The following ANTXR2 variants were observed in gnomAD, a reference collection of about 807,000 sequenced individuals.
The protein encoded by ANTXR2 is anthrax toxin receptor 2.
In ANTXR2, 44 loss-of-function variants were observed where a neutral mutation model predicts 73.7. The observed-to-expected ratio is 0.60, with a 90% CI of 0.47 to 0.77. ANTXR2 has a LOEUF of 0.77. Among genes scored for constraint, ANTXR2 ranks in the 30% least tolerant of loss-of-function variants. The pLI is 0.00. For synonymous variants in ANTXR2, 217 were observed against 205.9 expected (o/e 1.05, Z -0.46); for missense variants, 604 against 592.5 (o/e 1.02, Z -0.20).
chr4:79,973,717 C>T (rs1332711567), intron 16 of ANTXR2, among the ~76,000 whole-genome samples: 2 of 152,128 alleles, frequency 1.3e-5, no homozygotes, highest in Non-Finnish European at 2.9e-5. Context: ...GTGTGAGCCA[C>T]CACACCTGGC....
intron 16 of ANTXR2, chr4:79,965,237 A>C (rs1327104768): frequency 6.6e-6 from 1 of 152,216 alleles, no homozygotes; most frequent in African/African-American, 2.4e-5. Context: ...AATCTGCAGT[A>C]AACAATTATA....
intron 12 of ANTXR2, among the ~76,000 whole-genome samples, chr4:80,003,528 T>A (rs919438508): frequency 6.6e-6 from 1 of 151,654 alleles, no homozygotes; most frequent in Non-Finnish European, 1.5e-5. Context: ...AACCTGCACA[T>A]TGTGCACATG....
At chr4:79,909,653 A>T (rs1401549891) in intron 16 of ANTXR2, among the ~76,000 whole-genome samples, 2 of 152,032 alleles carry the variant, frequency 1.3e-5, no homozygotes, top group Non-Finnish European at 2.9e-5. Flanking sequence ...ACCAAAAAAA[A>T]AAAAATAAAG....
intron 16 of ANTXR2, among the ~76,000 whole-genome samples, chr4:79,926,904 T>TATATGTGTATATATACACAC (rs1727809650): frequency 1.6e-5 from 2 of 127,338 alleles, no homozygotes; most frequent in African/African-American, 5.7e-5. Context: ...TATATACACA[T>TATATGTGTATATATACACAC]GTGTGCATAT....
intron 12 of ANTXR2, among the ~76,000 whole-genome samples, chr4:80,008,200 C>A (rs1377978956): frequency 6.6e-6 from 1 of 152,052 alleles, no homozygotes; most frequent in Non-Finnish European, 1.5e-5. Flanking sequence ...TCTCAATGAA[C>A]CCAAAAGAAA....
chr4:79,915,862 C>CTCTATATATATATATA (rs377006532), intron 16 of ANTXR2, among the ~76,000 whole-genome samples: 29 of 123,876 alleles, frequency 2.3e-4, no homozygotes, highest in African/African-American at 8.5e-4. Context: ...CTCTCTCTCT[C>CTCTATATATATATATA]TATATATATA....
chr4:80,008,564 C>T lies in ANTXR2; in HGVS notation c.998G>A (p.Gly333Glu). 6.2e-7 allele frequency: 1 copy of T among 1,608,008 alleles called. No individual in the cohort carries two copies. The highest frequency in any genetic ancestry group is 2.3e-5 in the East Asian group (1 of 44,406). Residue 333 changes from glycine (G) to glutamate (E), a missense_variant, in exon 12 of 17, where the codon GGG (glycine) becomes GAG (glutamate). Physicochemically the swap from Gly to Glu is moderately conservative, Grantham distance 98. Transcript: ENST00000403729. ...CCAAAACCACCACATCAAACCGATC[C>T]CCAGGAGTAGCAGTAACACCAAAAT... ...IVILVLLLLLGIGLMWWFWPL... is the reference protein window; with the variant it reads ...IVILVLLLLLEIGLMWWFWPL...
At chr4:79,921,998 G>C (rs766340940) in intron 16 of ANTXR2, among the ~76,000 whole-genome samples, 1 of 151,934 alleles carries the variant, frequency 6.6e-6, no homozygotes, top group Non-Finnish European at 1.5e-5. Context: ...TATTACAGAT[G>C]TATGATATAA....
Position 80,055,157 on chromosome 4 carries a change from T to G in ANTXR2, c.548A>C (p.Gln183Pro), listed in dbSNP as rs1277354918. 8 of 1,560,006 alleles carry G rather than the reference T, an allele frequency of 5.1e-6. No individual in the cohort carries two copies. In the South Asian group the frequency reaches 9.4e-5, roughly 18 times the overall value. Reference sequence around the variant, plus strand: ...AGATCTCTTGTAACTTACCTGTGCTTGTTCAAAATCAAGGACACCAACACA... The same window carrying G: ...AGATCTCTTGTAACTTACCTGTGCTGGTTCAAAATCAAGGACACCAACACA... ...VYCVGVLDFE[Q>P]AQLERIADSK... The change falls in exon 6 of 17, where the codon CAA becomes CCA. Residue 183 changes from glutamine to proline, a missense_variant. Gln to Pro is a moderately conservative substitution (Grantham distance 76). Transcript: ENST00000403729.
At chr4:79,925,054 A>G (rs1727730623) in intron 16 of ANTXR2, among the ~76,000 whole-genome samples, 1 of 152,132 alleles carries the variant, frequency 6.6e-6, no homozygotes, top group Admixed American at 6.6e-5. Flanking sequence ...CATTCTAAAT[A>G]TGTATCATTG....
intron 16 of ANTXR2, among the ~76,000 whole-genome samples, chr4:79,959,976 C>T (rs1729085845): frequency 6.6e-6 from 1 of 152,080 alleles, no homozygotes; most frequent in African/African-American, 2.4e-5. Flanking sequence ...GGAGAGTAAT[C>T]CCTCTTTACT....
chr4:80,029,180 A>T (rs1407754406), intron 10 of ANTXR2, among the ~76,000 whole-genome samples: 1 of 152,178 alleles, frequency 6.6e-6, no homozygotes, highest in Non-Finnish European at 1.5e-5. Flanking sequence ...ACTAGCCCCG[A>T]TGGTATTCTC....
chr4:79,981,178 G>A (rs1196348075), intron 14 of ANTXR2, among the ~76,000 whole-genome samples: 1 of 152,090 alleles, frequency 6.6e-6, no homozygotes, highest in East Asian at 1.9e-4. Flanking sequence ...ATTAATGTTT[G>A]AAAATGTTTA....
intron 16 of ANTXR2, among the ~76,000 whole-genome samples, chr4:79,961,699 C>T (rs1729147764): frequency 6.6e-6 from 1 of 152,160 alleles, no homozygotes; most frequent in Admixed American, 6.5e-5. Flanking sequence ...CTCTGCCTCC[C>T]AAAGTGTTGG....
At chr4:79,988,484 T>A (rs77306174) in intron 12 of ANTXR2, among the ~76,000 whole-genome samples, 13,866 of 151,442 alleles carry the variant, frequency 0.092, 732 homozygotes, top group Middle Eastern at 0.23. Flanking sequence ...AAATTGGAGA[T>A]CCTAGATTCA....
At chr4:80,061,284 C>CTGTGCG (rs1553895205) in intron 3 of ANTXR2, among the ~76,000 whole-genome samples, 8 of 149,076 alleles carry the variant, frequency 5.4e-5, no homozygotes, top group African/African-American at 2.5e-5. Context: ...GTGTGTGCCT[C>CTGTGCG]TGTGTGTGTG....
At chr4:79,949,575 T>G (rs538212976) in intron 16 of ANTXR2, among the ~76,000 whole-genome samples, 2 of 152,298 alleles carry the variant, frequency 1.3e-5, no homozygotes, top group East Asian at 3.9e-4. Context: ...ATTTATTTCT[T>G]GGTAGATCAT....
At chr4:80,032,959 A>C (rs969401042) in intron 9 of ANTXR2, among the ~76,000 whole-genome samples, 1 of 151,980 alleles carries the variant, frequency 6.6e-6, no homozygotes, top group Non-Finnish European at 1.5e-5. Context: ...ATCTTCAATA[A>C]ATTAACAAAT....
chr4:79,957,917 C>T (rs921340511), intron 16 of ANTXR2, among the ~76,000 whole-genome samples: 4 of 151,874 alleles, frequency 2.6e-5, no homozygotes, highest in East Asian at 1.9e-4. Flanking sequence ...AGTTTCAATC[C>T]GTTTACTTCC....
Sources: gnomAD v4.1 joint callset for allele counts (sites outside exome capture counted in the v4.1 genomes callset) on GRCh38, gnomAD v4.1.1 for gene constraint, MANE v1.5 for transcripts, NCBI Gene and HGNC (gene_info 2026-07-23, HGNC 2026-07-21) for gene names.